The following PRRC2C variants were observed in gnomAD, a reference collection of about 807,000 sequenced individuals.
PRRC2C encodes the protein protein PRRC2C.
PRRC2C carries 72 observed loss-of-function variants against 317.2 expected under a neutral mutation model. The ratio of observed to expected loss-of-function variants is 0.23; its 90% CI spans 0.19 to 0.28. PRRC2C has a LOEUF of 0.28. Among genes scored for constraint, PRRC2C ranks in the 10% least tolerant of loss-of-function variants. PRRC2C has a pLI of 1.00. For synonymous variants in PRRC2C, 1,296 were observed against 1,205.9 expected, an observed-to-expected ratio of 1.07 and a Z score of -1.55; for missense variants, 3,074 against 3,459.7, an observed-to-expected ratio of 0.89 and a Z score of 2.80.
chr1:171,551,716 G>A (rs1003015060), intron 18 of PRRC2C, among the ~76,000 whole-genome samples: 1 of 152,120 alleles, frequency 6.6e-6, no homozygotes, highest in African/African-American at 2.4e-5. Context: ...TATTAAATAG[G>A]GAATCCTTTC....
chr1:171,551,835 A>G (rs954555408), intron 18 of PRRC2C, among the ~76,000 whole-genome samples: 2 of 152,160 alleles, frequency 1.3e-5, no homozygotes, highest in African/African-American at 4.8e-5. Context: ...CTGTTTTGGT[A>G]CCAGTACCAT....
At chr1:171,505,547 A>AT (rs111693644) in intron 1 of PRRC2C, among the ~76,000 whole-genome samples, 54 of 151,484 alleles carry the variant, frequency 3.6e-4, no homozygotes, top group East Asian at 1.2e-3. Flanking sequence ...TCCAATTTGA[A>AT]TTTTTTTTTG....
intron 17 of PRRC2C, among the ~76,000 whole-genome samples, chr1:171,549,418 T>G (rs771592855): frequency 3.3e-5 from 5 of 152,208 alleles, no homozygotes; most frequent in Non-Finnish European, 7.3e-5. Flanking sequence ...GGTAGAATGC[T>G]TTGTAGATCT....
chr1:171,517,460 G>A, intron 5 of PRRC2C, 131 bp from the exon 6 acceptor site: 2 of 805,456 alleles, frequency 2.5e-6, no homozygotes, highest in Non-Finnish European at 3.9e-6. Context: ...GCATTAGTAG[G>A]ACCTGGATTA....
intron 1 of PRRC2C, among the ~76,000 whole-genome samples, chr1:171,487,510 G>A (rs1474512054): frequency 2.0e-5 from 3 of 152,164 alleles, no homozygotes; most frequent in African/African-American, 7.2e-5. Flanking sequence ...CTTTGGACTT[G>A]GGGTAGAGGC....
At chr1:171,567,318 G>A (rs967216917) in intron 22 of PRRC2C, among the ~76,000 whole-genome samples, 95 of 152,220 alleles carry the variant, frequency 6.2e-4, no homozygotes, top group African/African-American at 2.2e-3. Context: ...GGGCCACATT[G>A]AATGAAACGT....
At chr1:171,547,697 G>A (rs1679415641) in intron 17 of PRRC2C, among the ~76,000 whole-genome samples, 1 of 145,796 alleles carries the variant, frequency 6.9e-6, no homozygotes, top group Non-Finnish European at 1.5e-5. Flanking sequence ...AGGCTGGAAG[G>A]CGGTGGTGTA....
intron 30 of PRRC2C, among the ~76,000 whole-genome samples, chr1:171,585,238 T>G (rs1387010726): frequency 6.6e-6 from 1 of 152,242 alleles, no homozygotes; most frequent in African/African-American, 2.4e-5. Flanking sequence ...GGTTTACCCA[T>G]TAGTGCTAGG....
intron 1 of PRRC2C, among the ~76,000 whole-genome samples, chr1:171,502,821 T>C (rs1396048622): frequency 3.3e-5 from 5 of 152,128 alleles, no homozygotes; most frequent in Non-Finnish European, 5.9e-5. Context: ...CTTCCTGGGT[T>C]CAAGCGATTC....
chr1:171,584,270 C>T (rs956929524), intron 29 of PRRC2C, 83 bp downstream of exon 29: 3 of 1,397,170 alleles, frequency 2.1e-6, no homozygotes, highest in Non-Finnish European at 9.8e-7. Flanking sequence ...TAAAAGAAAA[C>T]ATGTTAGAAG....
At chr1:171,558,722 A>T (rs1353133913) in intron 19 of PRRC2C, among the ~76,000 whole-genome samples, 1 of 96,686 alleles carries the variant, frequency 1.0e-5, no homozygotes, top group Admixed American at 1.0e-4. Context: ...GGACCTCCCT[A>T]TTCTTTAAGA....
chr1:171,541,141 C>G lies in PRRC2C; in HGVS notation c.3675C>G (p.Asp1225Glu). The G allele has an allele frequency of 6.2e-7, 1 of 1,613,638 alleles. No individual in the cohort carries two copies. Among genetic ancestry groups the G allele is most frequent in the Non-Finnish European group, 8.5e-7 (1 of 1,179,818 alleles). ...CTCGAGATTATCCTCAGTATAGAGA[C>G]AATAAGCCAAGAGCAGAGCATATAC... ...GHTRDYPQYRDNKPRAEHIPS... is the reference protein window; with the variant it reads ...GHTRDYPQYRENKPRAEHIPS... The change falls in exon 16 of 35, where the codon GAC becomes GAG. Residue 1225 changes from aspartate to glutamate, a missense_variant. By Grantham distance (45) the Asp-to-Glu change is conservative (BLOSUM62 2). Coordinates refer to ENST00000647382, the MANE Select transcript of PRRC2C (RefSeq NM_001387844.1). This position sits in a 1 kb window ranked among gnomAD's most constrained non-coding sequence, Gnocchi z 4.1.
At chr1:171,563,941 G>A (rs749215693) in intron 20 of PRRC2C, among the ~76,000 whole-genome samples, 2 of 152,154 alleles carry the variant, frequency 1.3e-5, no homozygotes, top group Admixed American at 6.5e-5. Context: ...TGATAAATGG[G>A]TGTTTACGCT....
At chr1:171,588,534 T>C in intron 33 of PRRC2C, 29 bp downstream of exon 33, 1 of 1,600,064 alleles carries the variant, frequency 6.2e-7, no homozygotes, top group South Asian at 1.1e-5. Context: ...GAAATGAGTA[T>C]TATTTACTTA....
chr1:171,524,710 C>A, intron 9 of PRRC2C, 111 bp from the exon 10 acceptor site: 1 of 1,131,102 alleles, frequency 8.8e-7, no homozygotes, highest in Admixed American at 3.1e-5. Flanking sequence ...TTCCTTAATA[C>A]ATTTCCCCCC....
At chr1:171,521,543 C>T (rs191609708) in intron 6 of PRRC2C, among the ~76,000 whole-genome samples, 19 of 152,282 alleles carry the variant, frequency 1.2e-4, no homozygotes, top group Admixed American at 9.8e-4. Context: ...TCTCTGTCCC[C>T]CTTTTCCAAC....
intron 22 of PRRC2C, 67 bp downstream of exon 22, chr1:171,566,910 A>G: frequency 1.3e-6 from 2 of 1,500,220 alleles, no homozygotes; most frequent in Non-Finnish European, 1.8e-6. Context: ...CGAGAAGAAC[A>G]GCAACAGTCT....
Position 171,591,699 on chromosome 1 carries a change from A to T in PRRC2C, c.8549A>T (p.Lys2850Ile). Reference protein sequence around the residue: ...KAQKVDSDSSKPPETLTDPPG... With the variant: ...KAQKVDSDSSIPPETLTDPPG... ...CAGAAAGTGGACAGTGATTCAAGTAAACCTCCTGAAACACTGACCGACCCT... is the reference window on the plus strand; with the variant it reads ...CAGAAAGTGGACAGTGATTCAAGTATACCTCCTGAAACACTGACCGACCCT... The change falls in exon 35 of 35, where the codon AAA (lysine) becomes ATA (isoleucine). Residue 2850 changes from lysine (K) to isoleucine (I), a missense_variant. Lys to Ile is a moderately radical substitution (Grantham distance 102). Coordinates refer to ENST00000647382, the MANE Select transcript of PRRC2C (RefSeq NM_001387844.1). 1 of 1,613,856 alleles carries T rather than the reference A, an allele frequency of 6.2e-7. No homozygotes were observed.
Position 171,516,418 on chromosome 1 carries a change from A to G in PRRC2C, c.526+559A>G, listed in dbSNP as rs145483906. On this transcript the variant is annotated intron_variant, in intron 5 of 34. Transcript: ENST00000647382. ...CTTGTTTACATGGGGAGGTTCGTCT[A>G]TGACAGAAGTGTTTACAAATTCCAT... Among the ~76,000 whole-genome samples the G allele has an allele frequency of 3.4e-3, 519 of 152,352 alleles. 6 individuals are homozygous for G. The highest frequency in any genetic ancestry group is 0.012 in the African/African-American group (489 of 41,584).
Sources: gnomAD v4.1 joint callset for allele counts (sites outside exome capture counted in the v4.1 genomes callset) on GRCh38, gnomAD v4.1.1 for gene constraint, Gnocchi (gnomAD v3.1) non-coding constraint, MANE v1.5 for transcripts, NCBI Gene and HGNC (gene_info 2026-07-23, HGNC 2026-07-21) for gene names.